NPAS3: variants seen among roughly 807,000 people sequenced by gnomAD.
NPAS3 encodes neuronal PAS domain protein 3, also known as neuronal PAS domain-containing protein 3.
Under a neutral mutation model 73.1 loss-of-function variants are expected in NPAS3, and 14 were observed. The observed-to-expected ratio is 0.19, with a 90% confidence interval of 0.13 to 0.30. The LOEUF (loss-of-function observed/expected upper bound fraction) is 0.30. Ranked by LOEUF, NPAS3 falls within the 10% of genes least tolerant of loss-of-function variation. The pLI is 1.00. For missense variants in NPAS3, 1,096 were observed against 1,250.0 expected, an observed-to-expected ratio of 0.88 and a Z score of 1.86; for synonymous variants, 620 against 541.5, an observed-to-expected ratio of 1.14 and a Z score of -2.01.
intron 3 of NPAS3, among the ~76,000 whole-genome samples, chr14:33,355,138 G>A (rs536376575): frequency 1.3e-5 from 2 of 152,266 alleles, no homozygotes; most frequent in African/African-American, 4.8e-5. Flanking sequence ...GTGCCATTGT[G>A]TGTGTTCTTC....
intron 3 of NPAS3, among the ~76,000 whole-genome samples, chr14:33,252,190 C>T (rs574596139): frequency 2.3e-4 from 35 of 151,354 alleles, no homozygotes; most frequent in African/African-American, 8.2e-4. Context: ...TTTGCTCATC[C>T]CTGTGAGGTA....
At chr14:33,435,325 T>G (rs2048944321) in intron 4 of NPAS3, among the ~76,000 whole-genome samples, 2 of 152,204 alleles carry the variant, frequency 1.3e-5, no homozygotes, top group South Asian at 4.1e-4. Flanking sequence ...TTTGGGATAT[T>G]TTAATAAAAT....
intron 9 of NPAS3, among the ~76,000 whole-genome samples, chr14:33,787,428 C>T (rs1209746252): frequency 6.6e-6 from 1 of 152,188 alleles, no homozygotes; most frequent in African/African-American, 2.4e-5. Flanking sequence ...GTAAATCACA[C>T]AGATAGCAAT....
At chr14:33,539,582 A>G (rs1435798220) in intron 4 of NPAS3, among the ~76,000 whole-genome samples, 1 of 152,134 alleles carries the variant, frequency 6.6e-6, no homozygotes, top group Non-Finnish European at 1.5e-5. Flanking sequence ...CTGTTACGGT[A>G]CTAGAAAAAG....
intron 1 of NPAS3, among the ~76,000 whole-genome samples, chr14:32,959,626 C>T (rs774453475): frequency 2.6e-5 from 4 of 152,134 alleles, no homozygotes; most frequent in Non-Finnish European, 4.4e-5. Context: ...GACTTAATTA[C>T]GACTATGATG....
At chr14:33,643,251 G>C (rs1327291955) in intron 5 of NPAS3, among the ~76,000 whole-genome samples, 2 of 151,946 alleles carry the variant, frequency 1.3e-5, no homozygotes, top group African/African-American at 4.8e-5. Context: ...CTGTAAATCA[G>C]GAATAGTTGT....
At chr14:33,298,251 C>G (rs569408336) in intron 3 of NPAS3, among the ~76,000 whole-genome samples, 1 of 152,276 alleles carries the variant, frequency 6.6e-6, no homozygotes, top group Non-Finnish European at 1.5e-5. Flanking sequence ...CCACCGCGCT[C>G]CAGCCTGGAT....
chr14:33,521,627 G>A (rs1048942174), intron 4 of NPAS3, among the ~76,000 whole-genome samples: 2 of 151,536 alleles, frequency 1.3e-5, no homozygotes, highest in African/African-American at 4.8e-5. Context: ...TCGTAGCATC[G>A]AAATCCCTTG....
intron 3 of NPAS3, among the ~76,000 whole-genome samples, chr14:33,338,155 T>C (rs1387304355): frequency 6.6e-6 from 1 of 152,164 alleles, no homozygotes; most frequent in Non-Finnish European, 1.5e-5. Context: ...ACTTTTGATG[T>C]AGCTTCAAGG....
intron 2 of NPAS3, among the ~76,000 whole-genome samples, chr14:33,092,704 C>G (rs1442296428): frequency 6.6e-6 from 1 of 152,166 alleles, no homozygotes; most frequent in Non-Finnish European, 1.5e-5. Context: ...CATCACACTA[C>G]CTGACTTCAA....
chr14:33,327,226 A>G (rs2043748999), intron 3 of NPAS3, among the ~76,000 whole-genome samples: 1 of 152,212 alleles, frequency 6.6e-6, no homozygotes, highest in African/African-American at 2.4e-5. Flanking sequence ...GTTAGATATT[A>G]TTTTATTCAC....
At chr14:32,981,647 T>C (rs968901461) in intron 1 of NPAS3, among the ~76,000 whole-genome samples, 8 of 152,222 alleles carry the variant, frequency 5.3e-5, no homozygotes, top group African/African-American at 1.9e-4. Flanking sequence ...AAATCTCTGT[T>C]GAGTCTTTTT....
At position 33,020,927 on chromosome 14, in the gene NPAS3, A is replaced by C. The variant is rs569651172; in HGVS notation, c.51-34978A>C. ...AGGTGCGTGCCACCACGCCCAGGTA[A>C]TTTTTTGTATTTTTAGTAGAGATGG... is the stretch of plus-strand genomic sequence containing the variant. On this transcript the variant is annotated intron_variant, in intron 1 of 11. Transcript: ENST00000356141. 3.2e-3 allele frequency among the ~76,000 whole-genome samples: 486 copies of C among 151,840 alleles called. 2 individuals are homozygous for C. The highest frequency in any genetic ancestry group is 0.011 in the African/African-American group (463 of 41,392).
At chr14:33,643,700 A>T (rs1232132268) in intron 5 of NPAS3, among the ~76,000 whole-genome samples, 1 of 152,186 alleles carries the variant, frequency 6.6e-6, no homozygotes, top group African/African-American at 2.4e-5. Flanking sequence ...AGATGATCTA[A>T]AGGGGCTTTG....
chr14:33,478,119 C>A (rs76222239), intron 4 of NPAS3, among the ~76,000 whole-genome samples: 1 of 152,152 alleles, frequency 6.6e-6, no homozygotes, highest in Non-Finnish European at 1.5e-5. Flanking sequence ...AGAGAAAAAA[C>A]GGAGAGGAAA....
intron 3 of NPAS3, among the ~76,000 whole-genome samples, chr14:33,352,266 C>A (rs4982079): frequency 0.61 from 92,139 of 152,060 alleles, 28,407 homozygotes; most frequent in African/African-American, 0.69. Flanking sequence ...ACTTTTCTAA[C>A]TGGCCCAAGG....
At position 33,294,458 on chromosome 14, in the gene NPAS3, C is replaced by T. The variant is rs558757395; in HGVS notation, c.386-72728C>T. Among the ~76,000 whole-genome samples the T allele has an allele frequency of 5.9e-5, 9 of 152,280 alleles. No homozygotes were observed. The South Asian group carries it at 1.9e-3, about 32-fold the overall frequency. Reference sequence around the variant, plus strand: ...TTTTTGGTCTTATTGCTTTGTTATACACTCTCAGTGGCTCAATTCCTTCCT... The same window carrying T: ...TTTTTGGTCTTATTGCTTTGTTATATACTCTCAGTGGCTCAATTCCTTCCT... On this transcript the variant is annotated intron_variant, in intron 3 of 11. Transcript: ENST00000356141.
chr14:33,190,824 CT>C (rs2046145517), intron 2 of NPAS3, among the ~76,000 whole-genome samples: 1 of 152,150 alleles, frequency 6.6e-6, no homozygotes, highest in South Asian at 2.1e-4. Flanking sequence ...GGTATAAAGC[CT>C]TTTCTTAGTC....
At chr14:33,436,515 C>T (rs1449753231) in intron 4 of NPAS3, among the ~76,000 whole-genome samples, 1 of 152,176 alleles carries the variant, frequency 6.6e-6, no homozygotes, top group Non-Finnish European at 1.5e-5. Flanking sequence ...CCTGAAAAGT[C>T]TCCCCAAATC....
Sources: gnomAD v4.1 joint callset for allele counts (sites outside exome capture counted in the v4.1 genomes callset) on GRCh38, gnomAD v4.1.1 for gene constraint, MANE v1.5 for transcripts, NCBI Gene and HGNC (gene_info 2026-07-23, HGNC 2026-07-21) for gene names.